Variants in MECOM observed in about 807,000 individuals in gnomAD.
The protein encoded by MECOM is MDS1 and EVI1 complex locus, also known as histone-lysine N-methyltransferase MECOM.
A neutral mutation model predicts 116.3 loss-of-function variants in MECOM; 13 were observed. The observed-to-expected ratio is 0.11, with a 90% CI of 0.07 to 0.18. The LOEUF (loss-of-function observed/expected upper bound fraction) is 0.18, where lower values mean the gene tolerates loss of function less well. Ranked by LOEUF, MECOM falls within the 10% of genes least tolerant of loss-of-function variation. MECOM has a pLI of 1.00. For synonymous variants in MECOM, 528 were observed against 535.2 expected, an observed-to-expected ratio of 0.99 and a Z score of 0.19; for missense variants, 1,299 against 1,509.0, an observed-to-expected ratio of 0.86 and a Z score of 2.31.
chr3:169,121,092 G>A lies in MECOM; in HGVS notation c.1096C>T (p.His366Tyr). ...TTCACACTGCTGTGGATGTGCTTGT[G>A]TTGTTTGAGGCCCGACGAAGTGGCA... Reference protein sequence around the residue: ...TFATSSGLKQHKHIHSSVKPF... With the variant: ...TFATSSGLKQYKHIHSSVKPF... Residue 366 changes from histidine to tyrosine, a missense_variant, in exon 7 of 17, where the codon CAC becomes TAC. His to Tyr is a moderately conservative substitution (Grantham distance 83, BLOSUM62 2). Around this residue, in one of 6 missense-constraint regions of MECOM, gnomAD observed 42 missense variants for 103.9 expected, o/e 0.40. Coordinates refer to ENST00000651503, the MANE Select transcript of MECOM (RefSeq NM_004991.4). The A allele has an allele frequency of 6.2e-7, 1 of 1,613,558 alleles. No individual in the cohort carries two copies. Among genetic ancestry groups the A allele is most frequent in the Non-Finnish European group, 8.5e-7 (1 of 1,179,692 alleles).
At chr3:169,121,406 C>G (rs971686563) in intron 6 of MECOM, among the ~76,000 whole-genome samples, 197 bp from the exon 7 acceptor site, 4 of 152,140 alleles carry the variant, frequency 2.6e-5, no homozygotes, top group East Asian at 3.9e-4. Context: ...TGCTCTATAT[C>G]CTTAGCATGG....
At position 169,427,320 on chromosome 3, in the gene MECOM, G is replaced by A. The variant is rs1740896548; in HGVS notation, c.38-45796C>T. On this transcript the variant is annotated intron_variant, in intron 1 of 16. Transcript: ENST00000651503. ...ATGTAGTATAATAGCTTTGTATTTT[G>A]TTAAGGTAAAGGATTTGCACTTCAT... 2.6e-5 allele frequency among the ~76,000 whole-genome samples: 4 copies of A among 151,862 alleles called. No individual in the cohort carries two copies. In the South Asian group the frequency reaches 8.3e-4, roughly 32 times the overall value.
chr3:169,154,113 CA>C (rs1741587768), intron 2 of MECOM, among the ~76,000 whole-genome samples: 1 of 152,104 alleles, frequency 6.6e-6, no homozygotes, highest in Admixed American at 6.6e-5. Flanking sequence ...GTCTGGCTTG[CA>C]GCTGAGTTTG....
At chr3:169,268,799 T>C (rs1272889003) in intron 2 of MECOM, among the ~76,000 whole-genome samples, 1 of 152,124 alleles carries the variant, frequency 6.6e-6, no homozygotes, top group East Asian at 1.9e-4. Context: ...ATCGCACAAC[T>C]CAATATTGAC....
intron 2 of MECOM, among the ~76,000 whole-genome samples, chr3:169,349,490 A>G (rs1158148781): frequency 1.3e-5 from 2 of 151,876 alleles, no homozygotes; most frequent in Non-Finnish European, 2.9e-5. Context: ...TGGTGTTCAC[A>G]TGTTTAATTT....
At chr3:169,146,897 G>T in intron 2 of MECOM, 3 of 1,026,446 alleles carry the variant, frequency 2.9e-6, no homozygotes, top group Non-Finnish European at 3.5e-6. Flanking sequence ...TAAAAGCCTC[G>T]CGTCTCGATT....
intron 2 of MECOM, among the ~76,000 whole-genome samples, chr3:169,258,500 G>A (rs1577492436): frequency 6.6e-6 from 1 of 152,106 alleles, no homozygotes; most frequent in Non-Finnish European, 1.5e-5. Flanking sequence ...TCTAAATTCT[G>A]AGTCAATTGC....
chr3:169,367,949 T>G (rs1231357587), intron 2 of MECOM, among the ~76,000 whole-genome samples: 1 of 152,104 alleles, frequency 6.6e-6, no homozygotes, highest in Non-Finnish European at 1.5e-5. Context: ...GCTATTTCTA[T>G]GAAATGTTTG....
chr3:169,099,996 A>C (rs1722974123), intron 12 of MECOM, among the ~76,000 whole-genome samples: 1 of 151,892 alleles, frequency 6.6e-6, no homozygotes, highest in South Asian at 2.1e-4. Flanking sequence ...GTTTTTCTAT[A>C]ATATACTCTA....
At chr3:169,360,319 C>CAAAAAAAAAAAAA in intron 2 of MECOM, among the ~76,000 whole-genome samples, 1 of 87,840 alleles carries the variant, frequency 1.1e-5, no homozygotes, top group Non-Finnish European at 2.2e-5. Flanking sequence ...AAAGTTACAC[C>CAAAAAAAAAAAAA]AAAAAAAAAA....
chr3:169,159,499 C>T (rs1036726106), intron 2 of MECOM, among the ~76,000 whole-genome samples: 8 of 151,996 alleles, frequency 5.3e-5, no homozygotes, highest in African/African-American at 1.7e-4. Context: ...GCAGAAGTTG[C>T]GGCGAGCCAA....
Position 169,663,500 on chromosome 3 carries a change from CTCTCTCTCTCT to C in MECOM, c.-139_-129del. ...TCTCTCTCTCTCTCTCTCTCTCTCTCTCTCTCTCTCTCTCTCTCTCTCTCTCTCTCCCTCCC... is the reference window on the plus strand; with the variant it reads ...TCTCTCTCTCTCTCTCTCTCTCTCTCCTCTCTCTCTCTCTCTCTCCCTCCC... On this transcript the variant is annotated 5_prime_UTR_variant, in exon 1 of 17. Transcript: ENST00000651503. The C allele has an allele frequency of 1.5e-6, 1 of 658,174 alleles. No homozygotes were observed. 40.8% of individuals were successfully genotyped at this position (658,174 alleles called of 1,614,324 possible).
intron 1 of MECOM, among the ~76,000 whole-genome samples, chr3:169,428,269 G>T (rs919964686): frequency 3.3e-5 from 5 of 152,122 alleles, no homozygotes; most frequent in African/African-American, 1.2e-4. Context: ...GTAAACCAGG[G>T]ACCTGTTTCA....
At chr3:169,413,332 A>G (rs140721116) in intron 1 of MECOM, among the ~76,000 whole-genome samples, 1 of 152,148 alleles carries the variant, frequency 6.6e-6, no homozygotes, top group African/African-American at 2.4e-5. Context: ...CCAAGACACT[A>G]TGCTTTTCCC....
At chr3:169,422,739 C>T (rs1025538921) in intron 1 of MECOM, among the ~76,000 whole-genome samples, 7 of 152,058 alleles carry the variant, frequency 4.6e-5, no homozygotes, top group Non-Finnish European at 7.4e-5. Context: ...ATATGCATAA[C>T]GCAGTGAAAA....
chr3:169,199,822 A>G (rs562749815), intron 2 of MECOM, among the ~76,000 whole-genome samples: 2 of 152,094 alleles, frequency 1.3e-5, no homozygotes, highest in African/African-American at 2.4e-5. Flanking sequence ...CTGTCATTTC[A>G]TGAAACATAC....
At chr3:169,146,788 A>G in intron 2 of MECOM, 1 of 1,139,802 alleles carries the variant, frequency 8.8e-7, no homozygotes, top group Non-Finnish European at 1.1e-6. Context: ...AATAAACAAA[A>G]TAAAATAATC....
intron 2 of MECOM, among the ~76,000 whole-genome samples, chr3:169,173,261 C>G (rs756597885): frequency 6.6e-6 from 1 of 152,108 alleles, no homozygotes; most frequent in East Asian, 1.9e-4. Flanking sequence ...TCAGGATGCT[C>G]TCCTGGGATC....
At chr3:169,601,348 A>G (rs1767808933) in intron 1 of MECOM, among the ~76,000 whole-genome samples, 1 of 152,194 alleles carries the variant, frequency 6.6e-6, no homozygotes, top group South Asian at 2.1e-4. Flanking sequence ...GAATATGAAA[A>G]CTATTCTCCA....
Sources: gnomAD v4.1 joint callset for allele counts (sites outside exome capture counted in the v4.1 genomes callset) on GRCh38, gnomAD v4.1.1 for gene constraint, gnomAD v4.1.1 regional missense constraint, MANE v1.5 for transcripts, NCBI Gene and HGNC (gene_info 2026-07-23, HGNC 2026-07-21) for gene names.